Variants in GRID2 observed in about 807,000 individuals in gnomAD.
GRID2 encodes the protein glutamate receptor ionotropic, delta-2.
GRID2 carries 33 observed loss-of-function variants against 114.8 expected under a neutral mutation model. The observed-to-expected ratio is 0.29, with a 90% CI of 0.22 to 0.38. The LOEUF (loss-of-function observed/expected upper bound fraction) is 0.38, where lower values mean the gene tolerates loss of function less well. Ranked by LOEUF, GRID2 falls within the 10% of genes least tolerant of loss-of-function variation. GRID2 has a pLI of 1.00. For synonymous variants in GRID2, 505 were observed against 449.9 expected (o/e 1.12, Z -1.55); for missense variants, 1,184 against 1,257.7 (o/e 0.94, Z 0.89).
chr4:92,918,745 T>C (rs191734442), intron 2 of GRID2, among the ~76,000 whole-genome samples: 3,097 of 152,198 alleles, frequency 0.02, 44 homozygotes, highest in East Asian at 0.053. Context: ...CTGCTGGATT[T>C]GGTTTGCCAG....
intron 14 of GRID2, among the ~76,000 whole-genome samples, chr4:93,728,446 A>G (rs1400729549): frequency 6.6e-6 from 1 of 152,252 alleles, no homozygotes; most frequent in East Asian, 1.9e-4. Flanking sequence ...GTGGTGCTGA[A>G]AAAAATGTAT....
chr4:93,116,818 G>A (rs1733313208), intron 4 of GRID2, among the ~76,000 whole-genome samples: 1 of 151,702 alleles, frequency 6.6e-6, no homozygotes, highest in Admixed American at 6.6e-5. Context: ...GAGTTATAGT[G>A]CTGTTGGCCA....
At chr4:92,437,240 G>T (rs1223881859) in intron 1 of GRID2, among the ~76,000 whole-genome samples, 2 of 151,904 alleles carry the variant, frequency 1.3e-5, no homozygotes, top group African/African-American at 4.8e-5. Flanking sequence ...ACGAATGATT[G>T]GAAAAAAAAT....
chr4:92,824,253 G>A (rs1218596054), intron 2 of GRID2, among the ~76,000 whole-genome samples: 2 of 151,996 alleles, frequency 1.3e-5, no homozygotes, highest in East Asian at 3.9e-4. Context: ...TATATTTGTT[G>A]GAGGTTATTA....
intron 2 of GRID2, among the ~76,000 whole-genome samples, chr4:92,845,108 A>C (rs1252564548): frequency 6.6e-6 from 1 of 152,120 alleles, no homozygotes; most frequent in Non-Finnish European, 1.5e-5. Flanking sequence ...TATTGTGAAA[A>C]TAGTCCTGAC....
chr4:92,804,383 A>C (rs1740314921), intron 2 of GRID2, among the ~76,000 whole-genome samples: 1 of 152,018 alleles, frequency 6.6e-6, no homozygotes, highest in African/African-American at 2.4e-5. Context: ...TAAGGATTAC[A>C]ATTATAATAG....
chr4:93,142,402 T>C (rs1054635276), intron 4 of GRID2, among the ~76,000 whole-genome samples: 1 of 152,176 alleles, frequency 6.6e-6, no homozygotes, highest in Non-Finnish European at 1.5e-5. Context: ...GGTGAGGCCC[T>C]GCTTCCTCAG....
chr4:93,593,769 T>C (rs916854374), intron 13 of GRID2, among the ~76,000 whole-genome samples: 2 of 152,190 alleles, frequency 1.3e-5, no homozygotes, highest in Non-Finnish European at 2.9e-5. Context: ...TATTGTTTTT[T>C]CTCTAAACTT....
At chr4:93,577,602 G>A (rs776271794) in intron 13 of GRID2, among the ~76,000 whole-genome samples, 2 of 152,110 alleles carry the variant, frequency 1.3e-5, no homozygotes, top group Non-Finnish European at 2.9e-5. Flanking sequence ...TTTATTCATG[G>A]AACAAATGCT....
intron 2 of GRID2, among the ~76,000 whole-genome samples, chr4:92,796,610 G>A (rs906233287): frequency 4.6e-5 from 7 of 151,830 alleles, no homozygotes; most frequent in Admixed American, 3.9e-4. Flanking sequence ...ATATTTTTCA[G>A]AGTAGGGCAC....
chr4:93,282,674 A>G (rs1051775001), intron 8 of GRID2, among the ~76,000 whole-genome samples: 12 of 152,026 alleles, frequency 7.9e-5, no homozygotes, highest in African/African-American at 2.9e-4. Flanking sequence ...TTGGGGACAC[A>G]TTCAAATCAT....
At chr4:93,651,585 G>T (rs2149722237) in intron 14 of GRID2, among the ~76,000 whole-genome samples, 1 of 152,186 alleles carries the variant, frequency 6.6e-6, no homozygotes, top group South Asian at 2.1e-4. Context: ...TGCCTATTTT[G>T]ATGCAGTCAC....
chr4:92,763,122 T>G (rs768063182), intron 2 of GRID2, among the ~76,000 whole-genome samples: 3 of 152,194 alleles, frequency 2.0e-5, no homozygotes, highest in African/African-American at 4.8e-5. Flanking sequence ...CAGGGAAACA[T>G]CAGCTTTTAC....
chr4:92,794,905 T>TATATATATATATACACAC (rs745392261), intron 2 of GRID2, among the ~76,000 whole-genome samples: 34 of 127,792 alleles, frequency 2.7e-4, no homozygotes, highest in African/African-American at 9.6e-4. Context: ...TATATATATA[T>TATATATATATATACACAC]ACACACACAC....
chr4:93,580,396 G>A (rs562677530), intron 13 of GRID2, among the ~76,000 whole-genome samples: 3 of 152,262 alleles, frequency 2.0e-5, no homozygotes, highest in East Asian at 3.9e-4. Flanking sequence ...ACCCACTGAC[G>A]CACAAAAATT....
chr4:93,023,422 T>C (rs1302334513), intron 2 of GRID2, among the ~76,000 whole-genome samples: 1 of 152,026 alleles, frequency 6.6e-6, no homozygotes, highest in Non-Finnish European at 1.5e-5. Flanking sequence ...GAAACCTGTG[T>C]AACTTTGTTT....
chr4:93,474,023 T>C (rs1026392984), intron 11 of GRID2, among the ~76,000 whole-genome samples: 3 of 152,140 alleles, frequency 2.0e-5, no homozygotes, highest in Non-Finnish European at 2.9e-5. Context: ...GAAAGTGCTA[T>C]TCACTAGCAT....
chr4:92,868,212 T>C (rs1052492377), intron 2 of GRID2, among the ~76,000 whole-genome samples: 6 of 152,116 alleles, frequency 3.9e-5, no homozygotes, highest in Non-Finnish European at 5.9e-5. Flanking sequence ...AATGTGCTAG[T>C]TCTACTACTT....
chr4:93,110,705 A>T (rs1161173876), intron 3 of GRID2, 43 bp from the exon 4 acceptor site: 1 of 1,257,218 alleles, frequency 8.0e-7, no homozygotes, highest in Middle Eastern at 1.9e-4. Flanking sequence ...TTCCTTCTGT[A>T]CAATAATTCA....
Sources: allele counts gnomAD v4.1 joint callset (sites outside exome capture counted in the v4.1 genomes callset), GRCh38; gene constraint gnomAD v4.1.1; transcripts MANE v1.5; gene names NCBI Gene and HGNC (gene_info 2026-07-23, HGNC 2026-07-21).